KCNIP4: variants seen among roughly 807,000 people sequenced by gnomAD.
KCNIP4 encodes Kv channel-interacting protein 4.
In KCNIP4, 12 loss-of-function variants were observed where a neutral mutation model predicts 34.0. The ratio of observed to expected loss-of-function variants is 0.35; its 90% CI spans 0.23 to 0.57. The LOEUF (loss-of-function observed/expected upper bound fraction) is 0.57. Among genes scored for constraint, KCNIP4 ranks in the 20% least tolerant of loss-of-function variants. The probability of loss-of-function intolerance (pLI) is 0.83; values close to 1 mark genes in which losing one functional copy is unlikely to be tolerated. For missense variants in KCNIP4, 238 were observed against 311.7 expected (o/e 0.76, Z 1.78); for synonymous variants, 124 against 102.2 (o/e 1.21, Z -1.29).
At chr4:21,700,750 C>A (rs1359963009) in intron 1 of KCNIP4, among the ~76,000 whole-genome samples, 1 of 151,992 alleles carries the variant, frequency 6.6e-6, no homozygotes, top group African/African-American at 2.4e-5. Flanking sequence ...AGTATTTAAT[C>A]TATTTTGAGT....
chr4:21,155,420 A>T, intron 1 of KCNIP4, among the ~76,000 whole-genome samples: 1 of 152,230 alleles, frequency 6.6e-6, no homozygotes, highest in East Asian at 1.9e-4. Context: ...GCATATTTAC[A>T]AGAGAAGGTT....
chr4:20,879,089 C>T (rs539380504), intron 2 of KCNIP4, among the ~76,000 whole-genome samples: 9 of 152,058 alleles, frequency 5.9e-5, no homozygotes, highest in Non-Finnish European at 1.0e-4. Context: ...GTGCATTCAT[C>T]CGCATCCTGG....
At chr4:21,310,957 A>C (rs1459101952) in intron 1 of KCNIP4, among the ~76,000 whole-genome samples, 1 of 152,170 alleles carries the variant, frequency 6.6e-6, no homozygotes, top group Non-Finnish European at 1.5e-5. Context: ...ATAATGTGAA[A>C]AGACAATGAG....
intron 1 of KCNIP4, among the ~76,000 whole-genome samples, chr4:21,002,216 T>C (rs543441931): frequency 3.9e-5 from 6 of 152,334 alleles, no homozygotes; most frequent in African/African-American, 1.4e-4. Flanking sequence ...GGTTTTTCAC[T>C]GCACAAAGTA....
At chr4:21,731,196 T>G (rs1361123942) in intron 1 of KCNIP4, among the ~76,000 whole-genome samples, 4 of 151,640 alleles carry the variant, frequency 2.6e-5, no homozygotes, top group Non-Finnish European at 5.9e-5. Context: ...CCATTATGGG[T>G]GAGAGAGGCT....
At chr4:21,107,781 T>G (rs935829421) in intron 1 of KCNIP4, among the ~76,000 whole-genome samples, 23 of 151,532 alleles carry the variant, frequency 1.5e-4, no homozygotes, top group Non-Finnish European at 2.5e-4. Flanking sequence ...AGGAGCTCTT[T>G]TAGGGCAGGC....
chr4:21,938,048 C>T (rs115047798), intron 1 of KCNIP4, among the ~76,000 whole-genome samples: 1,580 of 152,186 alleles, frequency 0.01, 25 homozygotes, highest in African/African-American at 0.036. Context: ...CAAAACCATA[C>T]AAAATTCTTA....
chr4:21,211,101 CT>C (rs1427219175), intron 1 of KCNIP4, among the ~76,000 whole-genome samples: 1 of 152,098 alleles, frequency 6.6e-6, no homozygotes, highest in East Asian at 1.9e-4. Context: ...CATGTGATAT[CT>C]TTTTCTGATT....
chr4:21,518,001 C>T (rs925071607), intron 1 of KCNIP4, among the ~76,000 whole-genome samples: 138 of 152,270 alleles, frequency 9.1e-4, no homozygotes, highest in African/African-American at 3.1e-3. Context: ...CACAGGACAA[C>T]GAAAGCTTTC....
chr4:21,293,659 A>G (rs1231764678), intron 1 of KCNIP4, among the ~76,000 whole-genome samples: 1 of 152,192 alleles, frequency 6.6e-6, no homozygotes, highest in Admixed American at 6.5e-5. Flanking sequence ...AATTTTAATC[A>G]TGTAAGAAAA....
At chr4:21,237,475 T>G (rs16867638) in intron 1 of KCNIP4, among the ~76,000 whole-genome samples, 28,122 of 151,804 alleles carry the variant, frequency 0.19, 4,939 homozygotes, top group African/African-American at 0.46. Flanking sequence ...CCTCACACAT[T>G]AAAAGTAGCT....
At chr4:21,205,387 G>T (rs1367165693) in intron 1 of KCNIP4, among the ~76,000 whole-genome samples, 1 of 152,182 alleles carries the variant, frequency 6.6e-6, no homozygotes, top group Non-Finnish European at 1.5e-5. Flanking sequence ...GTCTGGTCTA[G>T]TTGGTGAGAT....
At chr4:21,071,906 C>G (rs931666816) in intron 1 of KCNIP4, among the ~76,000 whole-genome samples, 4 of 152,026 alleles carry the variant, frequency 2.6e-5, no homozygotes, top group Non-Finnish European at 5.9e-5. Context: ...GGTTTTTTGT[C>G]CTTGCGATAG....
chr4:21,305,384 G>C (rs1712342771), intron 1 of KCNIP4, among the ~76,000 whole-genome samples: 1 of 152,146 alleles, frequency 6.6e-6, no homozygotes, highest in Non-Finnish European at 1.5e-5. Context: ...AGGCATAATA[G>C]CACCTAGCTC....
chr4:21,594,607 A>G (rs530008011), intron 1 of KCNIP4, among the ~76,000 whole-genome samples: 1 of 152,024 alleles, frequency 6.6e-6, no homozygotes, highest in African/African-American at 2.4e-5. Flanking sequence ...GAGGGAAGAG[A>G]GAGTAAAACA....
chr4:20,748,547 C>T (rs1396407251), intron 5 of KCNIP4, among the ~76,000 whole-genome samples: 1 of 130,014 alleles, frequency 7.7e-6, no homozygotes, highest in Non-Finnish European at 1.6e-5. Context: ...AAAATAAATG[C>T]ACCTTCCAAA....
chr4:21,038,271 G>A (rs10034891), intron 1 of KCNIP4, among the ~76,000 whole-genome samples: 3,782 of 152,184 alleles, frequency 0.025, 149 homozygotes, highest in African/African-American at 0.085. Context: ...CACCATGCCC[G>A]GCCAAAAATG....
At chr4:21,701,266 T>C (rs546400740) in intron 1 of KCNIP4, among the ~76,000 whole-genome samples, 1 of 152,126 alleles carries the variant, frequency 6.6e-6, no homozygotes, top group Non-Finnish European at 1.5e-5. Context: ...GAAGGGCTGA[T>C]GGAAAAAGTA....
intron 1 of KCNIP4, among the ~76,000 whole-genome samples, chr4:21,153,495 T>TTATATATATATGTGTGTGTGTATATA: frequency 8.0e-6 from 1 of 124,464 alleles, no homozygotes; most frequent in Admixed American, 9.3e-5. Context: ...ATGTGTATAT[T>TTATATATATATGTGTGTGTGTATATA]TATATATATA....
Sources: gnomAD v4.1 joint callset for allele counts (sites outside exome capture counted in the v4.1 genomes callset) on GRCh38, gnomAD v4.1.1 for gene constraint, MANE v1.5 for transcripts, NCBI Gene and HGNC (gene_info 2026-07-23, HGNC 2026-07-21) for gene names.